MEGF10: variants seen among roughly 807,000 people sequenced by gnomAD.
MEGF10 encodes the protein multiple EGF like domains 10.
Under a neutral mutation model 147.5 loss-of-function variants are expected in MEGF10, and 86 were observed. That is an observed-to-expected ratio of 0.58 (90% CI 0.49 to 0.70). MEGF10 has a LOEUF of 0.70. Ranked by LOEUF, MEGF10 falls within the 30% of genes least tolerant of loss-of-function variation. The probability of loss-of-function intolerance (pLI) is 0.00; values close to 1 mark genes in which losing one functional copy is unlikely to be tolerated. For missense variants in MEGF10, 1,329 were observed against 1,487.3 expected (o/e 0.89, Z 1.75); for synonymous variants, 478 against 525.5 (o/e 0.91, Z 1.24).
intron 5 of MEGF10, among the ~76,000 whole-genome samples, chr5:127,388,995 T>A (rs1763545021): frequency 6.6e-6 from 1 of 152,222 alleles, no homozygotes; most frequent in Admixed American, 6.5e-5. Context: ...GAAAGAGTGC[T>A]GGTTTCATAT....
the MEGF10 span, among the ~76,000 whole-genome samples, chr5:127,265,796 G>A: frequency 1.3e-5 from 2 of 152,112 alleles, no homozygotes; most frequent in African/African-American, 4.8e-5. Context: ...ATTTGTTTGA[G>A]TTCTTTGTAG....
chr5:127,403,072 T>A (rs1380437865), intron 8 of MEGF10, among the ~76,000 whole-genome samples: 1 of 152,184 alleles, frequency 6.6e-6, no homozygotes, highest in Non-Finnish European at 1.5e-5. Flanking sequence ...GTTACTTTCT[T>A]ATGATTCAGT....
chr5:127,280,951 A>T, the MEGF10 span, among the ~76,000 whole-genome samples: 2 of 152,198 alleles, frequency 1.3e-5, no homozygotes, highest in African/African-American at 4.8e-5. Flanking sequence ...AATCAGATGC[A>T]TCAGCCCTGG....
At chr5:127,293,626 G>A (rs1330903049) in intron 1 of MEGF10, among the ~76,000 whole-genome samples, 4 of 152,152 alleles carry the variant, frequency 2.6e-5, no homozygotes, top group African/African-American at 9.7e-5. Context: ...CCTTCTTTGT[G>A]ATTGTCTGCT....
chr5:127,330,194 C>T (rs1464031259), intron 1 of MEGF10, among the ~76,000 whole-genome samples: 2 of 152,174 alleles, frequency 1.3e-5, no homozygotes, highest in Non-Finnish European at 2.9e-5. Flanking sequence ...ACTCCACTTC[C>T]TGCAACCCCA....
chr5:127,246,931 T>C, the MEGF10 span, among the ~76,000 whole-genome samples: 2,280 of 51,626 alleles, frequency 0.044, no homozygotes, highest in Non-Finnish European at 0.061. Context: ...TATACAATAA[T>C]ATATGATTAT....
the MEGF10 span, among the ~76,000 whole-genome samples, chr5:127,247,976 A>G: frequency 1.3e-5 from 2 of 152,124 alleles, no homozygotes; most frequent in Admixed American, 6.6e-5. Flanking sequence ...AGACCTCCCA[A>G]TTCTGAAAAG....
intron 2 of MEGF10, among the ~76,000 whole-genome samples, chr5:127,336,622 T>A (rs1761481406): frequency 6.6e-6 from 1 of 152,134 alleles, no homozygotes; most frequent in African/African-American, 2.4e-5. Context: ...CTGGCCAGGA[T>A]GCATTTACTG....
intron 22 of MEGF10, 92 bp downstream of exon 22, chr5:127,449,314 T>G: frequency 2.6e-6 from 4 of 1,549,594 alleles, no homozygotes; most frequent in Non-Finnish European, 3.5e-6. Flanking sequence ...GGTGTTCTAT[T>G]GAAAACTTGC....
chr5:127,388,346 G>A (rs761679595), intron 5 of MEGF10, among the ~76,000 whole-genome samples: 13 of 151,524 alleles, frequency 8.6e-5, no homozygotes, highest in Admixed American at 3.3e-4. Flanking sequence ...ATGGGATTTC[G>A]CCATGTTACC....
chr5:127,375,570 C>T (rs916887023), intron 5 of MEGF10, among the ~76,000 whole-genome samples: 2 of 152,198 alleles, frequency 1.3e-5, no homozygotes, highest in Non-Finnish European at 2.9e-5. Flanking sequence ...CATCCTAATG[C>T]GTATCCTAGC....
intron 1 of MEGF10, among the ~76,000 whole-genome samples, chr5:127,310,666 C>T (rs1364483472): frequency 6.6e-6 from 1 of 152,116 alleles, no homozygotes; most frequent in African/African-American, 2.4e-5. Context: ...CTCTATCATT[C>T]TCTTCTCTTC....
chr5:127,247,425 G>C, the MEGF10 span, among the ~76,000 whole-genome samples: 17 of 89,152 alleles, frequency 1.9e-4, no homozygotes, highest in African/African-American at 8.7e-4. Context: ...AGAAGAAGAA[G>C]AAGAAGAAGA....
At chr5:127,362,430 C>T (rs1324247055) in intron 4 of MEGF10, among the ~76,000 whole-genome samples, 3 of 149,718 alleles carry the variant, frequency 2.0e-5, no homozygotes, top group Admixed American at 1.3e-4. Context: ...AGTTCAGTGG[C>T]GCGATCTCGG....
intron 4 of MEGF10, among the ~76,000 whole-genome samples, chr5:127,356,799 A>C (rs960150598): frequency 6.6e-6 from 1 of 152,210 alleles, no homozygotes; most frequent in African/African-American, 2.4e-5. Flanking sequence ...TGCATTATCC[A>C]GTTAGTTTGG....
chr5:127,374,492 CAT>C (rs777416584), intron 5 of MEGF10, among the ~76,000 whole-genome samples: 21 of 149,858 alleles, frequency 1.4e-4, no homozygotes, highest in East Asian at 5.8e-4. Flanking sequence ...ACCCTCCACA[CAT>C]GTTTGCATTC....
At chr5:127,331,229 G>A in intron 1 of MEGF10, 62 bp from the exon 2 acceptor site, 1 of 884,244 alleles carries the variant, frequency 1.1e-6, no homozygotes, top group East Asian at 2.5e-5. Context: ...TTGCTGTACT[G>A]AAAAGAATTC....
chr5:127,405,155 G>A (rs1047833513), intron 8 of MEGF10, among the ~76,000 whole-genome samples: 3 of 152,138 alleles, frequency 2.0e-5, no homozygotes, highest in African/African-American at 7.2e-5. Context: ...GTAAATACTA[G>A]TGATTATCAG....
intron 4 of MEGF10, among the ~76,000 whole-genome samples, chr5:127,361,606 G>A (rs981452036): frequency 4.6e-5 from 7 of 151,846 alleles, no homozygotes; most frequent in Non-Finnish European, 8.8e-5. Flanking sequence ...GTTTCTTAAG[G>A]TGGAAGCTGA....
Sources: gnomAD v4.1 joint callset for allele counts (sites outside exome capture counted in the v4.1 genomes callset) on GRCh38, gnomAD v4.1.1 for gene constraint, MANE v1.5 for transcripts, NCBI Gene and HGNC (gene_info 2026-07-23, HGNC 2026-07-21) for gene names.